Variants in TNNI3K observed in about 807,000 individuals in gnomAD.
TNNI3K encodes the protein TNNI3 interacting kinase.
Under a neutral mutation model 114.5 loss-of-function variants are expected in TNNI3K, and 140 were observed. The ratio of observed to expected loss-of-function variants is 1.22; its 90% CI spans 1.07 to 1.41. TNNI3K has a LOEUF of 1.41. Ranked by LOEUF, TNNI3K falls within the 40% of genes most tolerant of loss-of-function variation. TNNI3K has a pLI of 0.00. For synonymous variants in TNNI3K, 347 were observed against 347.5 expected (o/e 1.00, Z 0.02); for missense variants, 1,125 against 1,007.6 (o/e 1.12, Z -1.58).
At chr1:74,435,957 G>T in intron 17 of TNNI3K, 123 bp from the exon 18 acceptor site, 1 of 1,268,676 alleles carries the variant, frequency 7.9e-7, no homozygotes, top group Non-Finnish European at 1.1e-6. Context: ...TAGCCCTTTG[G>T]GGCCCATTTA....
In TNNI3K at chr1:74,365,203, C is replaced by T. The variant is rs142364353; in HGVS notation, c.1178-2053C>T. Among the ~76,000 whole-genome samples, 941 of 152,166 alleles carry T rather than the reference C, an allele frequency of 6.2e-3. 5 individuals carry two copies. The highest frequency in any genetic ancestry group is 0.02 in the African/African-American group (834 of 41,530). ...CAACAATCTTACAAGGGTGGATTAT[C>T]GTTTCTAACCTGTAGATGACGATCT... On this transcript the variant is annotated intron_variant, in intron 11 of 24. Coordinates refer to ENST00000326637, the MANE Select transcript of TNNI3K (RefSeq NM_015978.3).
chr1:74,438,448 T>A (rs181361298), intron 19 of TNNI3K, among the ~76,000 whole-genome samples: 1 of 152,204 alleles, frequency 6.6e-6, no homozygotes, highest in Admixed American at 6.5e-5. Context: ...AAAAGAATAA[T>A]GGTTTCCTTC....
intron 23 of TNNI3K, among the ~76,000 whole-genome samples, chr1:74,525,457 C>T (rs1646491087): frequency 6.6e-6 from 1 of 152,064 alleles, no homozygotes; most frequent in Non-Finnish European, 1.5e-5. Context: ...CTGATTCACA[C>T]CCTGAGTCCC....
chr1:74,488,460 A>G (rs45519034), intron 21 of TNNI3K, among the ~76,000 whole-genome samples: 14,326 of 152,240 alleles, frequency 0.094, 1,729 homozygotes, highest in African/African-American at 0.28. Flanking sequence ...GTTTCAAAAA[A>G]GGAGAAATGA....
At chr1:74,491,326 TCTC>T in intron 22 of TNNI3K, among the ~76,000 whole-genome samples, 1 of 152,292 alleles carries the variant, frequency 6.6e-6, no homozygotes, top group East Asian at 1.9e-4. Context: ...TTCAAGCGAT[TCTC>T]CTGCCTCAGC....
At chr1:74,517,949 GCTC>G (rs1646372476) in intron 23 of TNNI3K, among the ~76,000 whole-genome samples, 2 of 152,176 alleles carry the variant, frequency 1.3e-5, no homozygotes, top group South Asian at 4.1e-4. Context: ...GAGAACCACT[GCTC>G]TAGCTAGTAC....
At chr1:74,367,871 C>T (rs200579480) in intron 12 of TNNI3K, 37 bp from the exon 13 acceptor site, 58 of 1,532,452 alleles carry the variant, frequency 3.8e-5, no homozygotes, top group African/African-American at 1.9e-4. Flanking sequence ...AAAAAATGAT[C>T]GCTACTTTCA....
intron 2 of TNNI3K, among the ~76,000 whole-genome samples, chr1:74,244,404 A>C (rs1244500167): frequency 1.3e-5 from 2 of 152,110 alleles, no homozygotes; most frequent in African/African-American, 4.8e-5. Flanking sequence ...AGTCTAGTTC[A>C]AGATTCAGTT....
chr1:74,355,213 T>C (rs1474663639), intron 11 of TNNI3K, among the ~76,000 whole-genome samples: 1 of 152,230 alleles, frequency 6.6e-6, no homozygotes, highest in African/African-American at 2.4e-5. Flanking sequence ...TAGTTATCTT[T>C]TTAAATACTC....
intron 3 of TNNI3K, among the ~76,000 whole-genome samples, chr1:74,250,122 T>C (rs1216930454): frequency 6.6e-6 from 1 of 152,198 alleles, no homozygotes; most frequent in Non-Finnish European, 1.5e-5. Flanking sequence ...CCAAACTAAA[T>C]TCATTGAGCT....
intron 17 of TNNI3K, chr1:74,416,443 GT>G: frequency 1.0e-6 from 1 of 958,382 alleles, no homozygotes; most frequent in Non-Finnish European, 1.2e-6. Context: ...ATAGTTTGGG[GT>G]GCCTAGAAGT....
chr1:74,531,206 C>G (rs1646578429), intron 23 of TNNI3K, among the ~76,000 whole-genome samples: 1 of 152,194 alleles, frequency 6.6e-6, no homozygotes. Flanking sequence ...AATGCTTTGG[C>G]ACTTGCCCAT....
At chr1:74,368,896 T>C (rs1331380489) in intron 13 of TNNI3K, 126 bp from the exon 14 acceptor site, 11 of 833,742 alleles carry the variant, frequency 1.3e-5, no homozygotes, top group Admixed American at 3.6e-5. Context: ...CAATTACAGT[T>C]GGAAAATTAA....
At chr1:74,394,554 C>A (rs11210456) in intron 17 of TNNI3K, among the ~76,000 whole-genome samples, 104,247 of 152,092 alleles carry the variant, frequency 0.69, 38,410 homozygotes, top group East Asian at 0.9. Context: ...CCTTTCCCCC[C>A]TTAGCTGCCC....
In TNNI3K at chr1:74,507,001, A is replaced by T. The variant is rs75266967; in HGVS notation, c.2351+14735A>T. The stretch of plus-strand genomic sequence containing the variant: ...TATTAAATAATTTCATATCTGTAAT[A>T]CCAATTGACAAGGTTCATTAAACTA... On this transcript the variant is annotated intron_variant, in intron 23 of 24. Transcript: ENST00000326637. Among the ~76,000 whole-genome samples the T allele has an allele frequency of 8.5e-5, 13 of 152,300 alleles. No individual in the cohort carries two copies. In the East Asian group the frequency reaches 2.5e-3, roughly 29 times the overall value.
At chr1:74,248,160 C>T (rs1018194241) in intron 2 of TNNI3K, among the ~76,000 whole-genome samples, 1 of 152,144 alleles carries the variant, frequency 6.6e-6, no homozygotes, top group African/African-American at 2.4e-5. Context: ...GGTGCTAAGC[C>T]TCTCACTGCC....
intron 5 of TNNI3K, among the ~76,000 whole-genome samples, chr1:74,310,065 G>T (rs781523412): frequency 6.6e-6 from 1 of 152,104 alleles, no homozygotes; most frequent in Non-Finnish European, 1.5e-5. Flanking sequence ...AAACCCTAAA[G>T]ATTCCTCCAA....
chr1:74,310,964 A>G (rs1658958999), intron 5 of TNNI3K, among the ~76,000 whole-genome samples: 1 of 152,176 alleles, frequency 6.6e-6, no homozygotes, highest in Non-Finnish European at 1.5e-5. Context: ...CTTTCCTCTC[A>G]GTACTTACAG....
At chr1:74,316,957 C>T (rs1659346579) in intron 5 of TNNI3K, among the ~76,000 whole-genome samples, 1 of 152,046 alleles carries the variant, frequency 6.6e-6, no homozygotes. Context: ...CCTCGGACTC[C>T]CAAACTGCTG....
Sources: gnomAD v4.1 joint callset for allele counts (sites outside exome capture counted in the v4.1 genomes callset) on GRCh38, gnomAD v4.1.1 for gene constraint, MANE v1.5 for transcripts, NCBI Gene and HGNC (gene_info 2026-07-23, HGNC 2026-07-21) for gene names.